The following MAF variants were observed in gnomAD, a reference collection of about 807,000 sequenced individuals.
MAF encodes transcription factor Maf.
A neutral mutation model predicts 22.0 loss-of-function variants in MAF; 10 were observed. The ratio of observed to expected loss-of-function variants is 0.45; its 90% confidence interval spans 0.28 to 0.77. The LOEUF is 0.77. Among genes scored for constraint, MAF ranks in the 30% least tolerant of loss-of-function variants. The pLI, the probability that MAF is intolerant of heterozygous loss-of-function variation, is 0.12. For synonymous variants in MAF, 337 were observed against 255.8 expected (o/e 1.32, Z -3.03); for missense variants, 544 against 548.4 (o/e 0.99, Z 0.08).
the MAF span, among the ~76,000 whole-genome samples, chr16:79,372,249 G>A: frequency 2.0e-4 from 30 of 152,056 alleles, no homozygotes; most frequent in Non-Finnish European, 3.8e-4. Flanking sequence ...AGCAGAGGGT[G>A]AGGATGGGGG....
chr16:79,579,698 T>C, the MAF span, among the ~76,000 whole-genome samples: 2 of 152,322 alleles, frequency 1.3e-5, no homozygotes, highest in South Asian at 2.1e-4. Flanking sequence ...GCCTTCTCAA[T>C]AGCTCTACAA....
chr16:79,595,536 C>T (rs1597842589), intron 1 of MAF: 2 of 1,059,592 alleles, frequency 1.9e-6, no homozygotes, highest in Non-Finnish European at 2.3e-6. Flanking sequence ...ACTAAGAGTG[C>T]AAACTGCATG....
At chr16:79,570,908 G>A in the MAF span, among the ~76,000 whole-genome samples, 1 of 152,172 alleles carries the variant, frequency 6.6e-6, no homozygotes, top group Non-Finnish European at 1.5e-5. Flanking sequence ...GCTGGTATTG[G>A]CACTTAACAG....
the MAF span, among the ~76,000 whole-genome samples, chr16:79,446,333 T>C: frequency 6.6e-6 from 1 of 152,128 alleles, no homozygotes; most frequent in Non-Finnish European, 1.5e-5. Flanking sequence ...CTGTGCTTCT[T>C]CTATAGTAAC....
chr16:79,542,676 T>C, the MAF span, among the ~76,000 whole-genome samples: 8 of 152,328 alleles, frequency 5.3e-5, no homozygotes, highest in East Asian at 1.5e-3. Context: ...TTGGACTTTC[T>C]GGGGCTCGTG....
At chr16:79,489,304 T>G in the MAF span, among the ~76,000 whole-genome samples, 1 of 152,164 alleles carries the variant, frequency 6.6e-6, no homozygotes, top group African/African-American at 2.4e-5. Flanking sequence ...CATCTATTTA[T>G]CCATCCATTT....
At chr16:79,257,442 T>A in the MAF span, among the ~76,000 whole-genome samples, 1 of 152,114 alleles carries the variant, frequency 6.6e-6, no homozygotes, top group Non-Finnish European at 1.5e-5. Context: ...AAAATTATCC[T>A]AAGGAAATAA....
At chr16:79,444,255 A>G in the MAF span, among the ~76,000 whole-genome samples, 1 of 152,186 alleles carries the variant, frequency 6.6e-6, no homozygotes, top group Non-Finnish European at 1.5e-5. Context: ...ATAGCAAAAT[A>G]AAAATATTGA....
chr16:79,377,287 G>T, the MAF span, among the ~76,000 whole-genome samples: 672 of 152,302 alleles, frequency 4.4e-3, 6 homozygotes, highest in African/African-American at 0.015. Flanking sequence ...ATGATGATCA[G>T]CATTTTTTCA....
At chr16:79,383,522 A>G in the MAF span, among the ~76,000 whole-genome samples, 1 of 152,252 alleles carries the variant, frequency 6.6e-6, no homozygotes, top group African/African-American at 2.4e-5. Flanking sequence ...GTGGAAATCC[A>G]TTATCTCAAG....
intron 1 of MAF, chr16:79,598,536 C>T (rs950119806): frequency 7.1e-7 from 1 of 1,416,410 alleles, no homozygotes; most frequent in Non-Finnish European, 9.2e-7. Flanking sequence ...ATTCCCTCCC[C>T]AGTTTAAAAC....
At chr16:79,465,324 G>A in the MAF span, among the ~76,000 whole-genome samples, 52 of 152,204 alleles carry the variant, frequency 3.4e-4, no homozygotes, top group African/African-American at 1.3e-3. Flanking sequence ...AGGGCGTGGT[G>A]GCTTATGCCT....
chr16:79,488,662 A>G, the MAF span, among the ~76,000 whole-genome samples: 1 of 152,124 alleles, frequency 6.6e-6, no homozygotes, highest in Non-Finnish European at 1.5e-5. Context: ...GTCAGTCTTC[A>G]AGTTAGGCAG....
the MAF span, among the ~76,000 whole-genome samples, chr16:79,478,524 C>A: frequency 6.6e-6 from 1 of 152,282 alleles, no homozygotes. Context: ...TGTGGCAATG[C>A]TGGGACCCCT....
At chr16:79,302,807 G>A in the MAF span, among the ~76,000 whole-genome samples, 1 of 152,230 alleles carries the variant, frequency 6.6e-6, no homozygotes, top group Non-Finnish European at 1.5e-5. Context: ...TTTCAGCATT[G>A]CCACCAGTGT....
the MAF span, among the ~76,000 whole-genome samples, chr16:79,465,206 T>C: frequency 1.3e-5 from 2 of 152,218 alleles, no homozygotes; most frequent in Non-Finnish European, 2.9e-5. Context: ...ATCCTTTATA[T>C]GAAATGGCAA....
At chr16:79,267,913 C>G in the MAF span, among the ~76,000 whole-genome samples, 6 of 151,738 alleles carry the variant, frequency 4.0e-5, no homozygotes. Flanking sequence ...CCACCTGGCC[C>G]GTTCTCAGGT....
At chr16:79,238,779 T>A in the MAF span, among the ~76,000 whole-genome samples, 4 of 152,080 alleles carry the variant, frequency 2.6e-5, no homozygotes, top group Admixed American at 1.3e-4. Flanking sequence ...GTAGGCTGTA[T>A]TTTTATTTGC....
chr16:79,244,821 T>C, the MAF span, among the ~76,000 whole-genome samples: 2 of 151,998 alleles, frequency 1.3e-5, no homozygotes, highest in Non-Finnish European at 2.9e-5. Context: ...CAAAGTATAC[T>C]ACATGGCTAC....
Sources: allele counts gnomAD v4.1 joint callset (sites outside exome capture counted in the v4.1 genomes callset), GRCh38; gene constraint gnomAD v4.1.1; transcripts MANE v1.5; gene names NCBI Gene and HGNC (gene_info 2026-07-23, HGNC 2026-07-21).